Variants in RNF214 observed in about 807,000 individuals in gnomAD.
The protein encoded by RNF214 is ring finger protein 214.
Under a neutral mutation model 75.9 loss-of-function variants are expected in RNF214, and 25 were observed. The observed-to-expected ratio is 0.33, with a 90% confidence interval of 0.24 to 0.46. RNF214 has a LOEUF of 0.46. RNF214 is among the 20% of genes least tolerant of loss of function. The pLI is 1.00. For synonymous variants in RNF214, 314 were observed against 308.8 expected (o/e 1.02, Z -0.18); for missense variants, 725 against 857.5 (o/e 0.85, Z 1.93).
chr11:117,272,625 T>TTA (rs1555057506), intron 6 of RNF214, among the ~76,000 whole-genome samples: 1 of 151,406 alleles, frequency 6.6e-6, no homozygotes, highest in African/African-American at 2.4e-5. Flanking sequence ...TTTTTTTTTT[T>TTA]AAAAAGAAAG....
chr11:117,241,023 A>T (rs1395295064), intron 4 of RNF214, among the ~76,000 whole-genome samples: 1 of 151,668 alleles, frequency 6.6e-6, no homozygotes, highest in African/African-American at 2.4e-5. Flanking sequence ...TACTAAAAAT[A>T]CAAAAAATTA....
chr11:117,256,831 T>C (rs747549267), intron 6 of RNF214, among the ~76,000 whole-genome samples: 5 of 152,208 alleles, frequency 3.3e-5, no homozygotes, highest in Non-Finnish European at 7.3e-5. Context: ...GGGCTCATCT[T>C]TGGAGACTTG....
intron 2 of RNF214, 135 bp downstream of exon 2, chr11:117,234,514 T>C: frequency 1.7e-6 from 1 of 591,254 alleles, no homozygotes; most frequent in East Asian, 2.8e-5. Context: ...GTCTGATCTA[T>C]CTTTGTATTT....
intron 14 of RNF214, 134 bp downstream of exon 14, chr11:117,283,344 C>T (rs918076939): frequency 3.1e-6 from 2 of 647,596 alleles, no homozygotes; most frequent in Admixed American, 2.9e-5. Flanking sequence ...TGGTGCTCAT[C>T]ATTAATATCT....
At chr11:117,258,241 G>T (rs547689105) in intron 6 of RNF214, among the ~76,000 whole-genome samples, 11 of 152,032 alleles carry the variant, frequency 7.2e-5, no homozygotes, top group African/African-American at 2.7e-4. Context: ...GCTGATTTTT[G>T]TATTTTTAGT....
intron 6 of RNF214, among the ~76,000 whole-genome samples, chr11:117,279,097 T>TA (rs1052801251): frequency 1.3e-5 from 2 of 152,176 alleles, no homozygotes; most frequent in African/African-American, 4.8e-5. Flanking sequence ...ACCCTGTCTA[T>TA]AAAAAACAAA....
At chr11:117,236,962 A>G (rs1354537773) in intron 2 of RNF214, among the ~76,000 whole-genome samples, 4 of 152,218 alleles carry the variant, frequency 2.6e-5, no homozygotes, top group Non-Finnish European at 5.9e-5. Context: ...CCGAGAGTCA[A>G]ACAGCTTGTA....
intron 6 of RNF214, among the ~76,000 whole-genome samples, chr11:117,252,612 C>A (rs2134378882): frequency 6.6e-6 from 1 of 152,240 alleles, no homozygotes; most frequent in East Asian, 1.9e-4. Context: ...TCTCCACCTC[C>A]CGGATTCAAG....
At chr11:117,265,087 G>T in intron 6 of RNF214, among the ~76,000 whole-genome samples, 1 of 149,716 alleles carries the variant, frequency 6.7e-6, no homozygotes, top group African/African-American at 2.5e-5. Flanking sequence ...AAAAAAAATT[G>T]GTTCTCTTAA....
At chr11:117,274,847 T>A (rs989740288) in intron 6 of RNF214, among the ~76,000 whole-genome samples, 9 of 142,372 alleles carry the variant, frequency 6.3e-5, no homozygotes, top group East Asian at 5.9e-4. Context: ...TTTTTGTAAA[T>A]TTTTTTTTTT....
chr11:117,259,460 T>C (rs2033605506), intron 6 of RNF214, among the ~76,000 whole-genome samples: 1 of 152,222 alleles, frequency 6.6e-6, no homozygotes, highest in Non-Finnish European at 1.5e-5. Context: ...GGTTGTAGGG[T>C]AGATGTATGA....
At chr11:117,263,354 C>A (rs898937936) in intron 6 of RNF214, among the ~76,000 whole-genome samples, 3 of 151,404 alleles carry the variant, frequency 2.0e-5, no homozygotes, top group African/African-American at 7.3e-5. Context: ...CGGCTCACTG[C>A]AACCTCCGCC....
At chr11:117,239,150 G>A (rs759438801) in intron 3 of RNF214, 39 bp downstream of exon 3, 1 of 1,545,148 alleles carries the variant, frequency 6.5e-7, no homozygotes, top group Non-Finnish European at 8.8e-7. Context: ...TGTAATTGGG[G>A]GGTGGTGGGG....
At chr11:117,262,179 C>T (rs1319136360) in intron 6 of RNF214, among the ~76,000 whole-genome samples, 4 of 151,572 alleles carry the variant, frequency 2.6e-5, no homozygotes, top group South Asian at 2.1e-4. Context: ...CTCCGCCTCC[C>T]GGGTTCACAC....
chr11:117,280,645 CT>C (rs1474537913), intron 8 of RNF214, among the ~76,000 whole-genome samples: 1 of 152,124 alleles, frequency 6.6e-6, no homozygotes, highest in Non-Finnish European at 1.5e-5. Flanking sequence ...GCACTCCAGC[CT>C]AGGTGACAGT....
rs988953851 is a variant in RNF214 at position 117,271,815 on chromosome 11, T to G, written c.960-8093T>G. Among the ~76,000 whole-genome samples the G allele has an allele frequency of 7.9e-5, 12 of 151,984 alleles. No individual in the cohort carries two copies. In the East Asian group the frequency reaches 1.4e-3, roughly 17 times the overall value. ...GACAGAACAAAGTTTGAGGTGTTTT[T>G]TTGTTGTTGTTGTATTTTGTTTTGA... On this transcript the variant is annotated intron_variant, in intron 6 of 14. Transcript: ENST00000300650.
chr11:117,267,109 G>A (rs2033813357), intron 6 of RNF214, among the ~76,000 whole-genome samples: 1 of 151,794 alleles, frequency 6.6e-6, no homozygotes, highest in African/African-American at 2.4e-5. Context: ...CCAGAGTATT[G>A]AATTATAGGC....
rs537842966 is a variant in RNF214 at position 117,285,564 on chromosome 11, C to T, written c.*413C>T. ...AGGCTCATGTATGCAGATTTAAAGC[C>T]TGGTGCTCACCCACTGTCCAACCAG... is the stretch of plus-strand genomic sequence containing the variant. On this transcript the variant is annotated 3_prime_UTR_variant, in exon 15 of 15. Transcript: ENST00000300650. 6.4e-6 allele frequency: 1 copy of T among 155,130 alleles called. No homozygotes were observed. Among genetic ancestry groups the T allele is most frequent in the African/African-American group, 2.4e-5 (1 of 41,586 alleles). The allele number at this position is 155,130 out of a possible 1,614,324, so 9.6% of individuals were successfully genotyped here.
rs765484176 is a variant in RNF214, at chr11:117,246,942, G to A, written c.953G>A (p.Gly318Asp). Reference sequence around the variant, plus strand: ...GAAATTGAGAAGCTTTGTGAGAAGGGCAGAAGGTAACTGATGTTAAGAATA... The same window carrying A: ...GAAATTGAGAAGCTTTGTGAGAAGGACAGAAGGTAACTGATGTTAAGAATA... ...KAEIEKLCEK[G>D]RREVWEMELD... Residue 318 changes from glycine to aspartate, a missense_variant, in exon 6 of 15, where the codon GGC becomes GAC. Gly to Asp is a moderately conservative substitution (Grantham distance 94, BLOSUM62 -1). Coordinates refer to ENST00000300650, the MANE Select transcript of RNF214 (RefSeq NM_207343.4). 3 of 1,607,848 alleles carry A rather than the reference G, an allele frequency of 1.9e-6. No homozygotes were observed. Among genetic ancestry groups the A allele is most frequent in the South Asian group, 1.1e-5 (1 of 90,160 alleles).
Sources: allele counts gnomAD v4.1 joint callset (sites outside exome capture counted in the v4.1 genomes callset), GRCh38; gene constraint gnomAD v4.1.1; transcripts MANE v1.5; gene names NCBI Gene and HGNC (gene_info 2026-07-23, HGNC 2026-07-21).